The following PHIP variants were observed in gnomAD, a reference collection of about 807,000 sequenced individuals.
The protein encoded by PHIP is PHIP subunit of CUL4-Ring ligase complex.
Under a neutral mutation model 236.8 loss-of-function variants are expected in PHIP, and 54 were observed. The observed-to-expected ratio is 0.23, with a 90% CI of 0.18 to 0.29. PHIP has a LOEUF of 0.29. Among genes scored for constraint, PHIP ranks in the 10% least tolerant of loss-of-function variants. The probability of loss-of-function intolerance (pLI) is 1.00; values close to 1 mark genes in which losing one functional copy is unlikely to be tolerated. For synonymous variants in PHIP, 756 were observed against 718.9 expected, an observed-to-expected ratio of 1.05 and a Z score of -0.83; for missense variants, 1,370 against 2,190.8, an observed-to-expected ratio of 0.63 and a Z score of 7.48.
chr6:78,947,831 T>G, intron 35 of PHIP, 56 bp from the exon 36 acceptor site: 2 of 1,253,568 alleles, frequency 1.6e-6, no homozygotes, highest in Non-Finnish European at 2.3e-6. Context: ...GCATCACTTC[T>G]CAGTGCAGGG....
In PHIP at chr6:79,015,208, T is replaced by C. The variant is rs1401503875; in HGVS notation, c.1398A>G (p.Glu466=). Residue 466 remains glutamate (E), a synonymous_variant, in exon 15 of 40, where the codon GAA becomes GAG. Coordinates refer to ENST00000275034, the MANE Select transcript of PHIP (RefSeq NM_017934.7). ...GQLIHVLMGH[E]DEVFVLEPHP... ...GTGGTTCAAGAACAAATACCTCATC[T>C]TCATGACCCTGAAATATTTTTGAAG... 1.2e-6 allele frequency: 2 copies of C among 1,607,422 alleles called. No homozygotes were observed. The highest frequency in any genetic ancestry group is 1.1e-5 in the South Asian group (1 of 90,770).
At chr6:79,033,596 A>G (rs1771777425) in intron 7 of PHIP, among the ~76,000 whole-genome samples, 1 of 152,138 alleles carries the variant, frequency 6.6e-6, no homozygotes, top group Admixed American at 6.6e-5. Context: ...TCACAGAATT[A>G]AGAGTCAGGG....
intron 4 of PHIP, 151 bp from the exon 5 acceptor site, chr6:79,060,969 G>A (rs1773343159): frequency 1.9e-6 from 1 of 520,546 alleles, no homozygotes; most frequent in Non-Finnish European, 3.3e-6. Context: ...TAAGAATTAA[G>A]AACTGATAGT....
intron 6 of PHIP, among the ~76,000 whole-genome samples, chr6:79,058,103 A>G (rs1773164481): frequency 6.6e-6 from 1 of 152,124 alleles, no homozygotes; most frequent in South Asian, 2.1e-4. Context: ...TTTTCCTGAA[A>G]ATCACAATGG....
intron 31 of PHIP, 41 bp downstream of exon 31, chr6:78,961,649 C>T: frequency 6.3e-7 from 1 of 1,596,212 alleles, no homozygotes; most frequent in Non-Finnish European, 8.6e-7. Flanking sequence ...GGAAAGATCA[C>T]CAGCTTTCCT....
intron 30 of PHIP, among the ~76,000 whole-genome samples, chr6:78,962,012 G>A (rs1479324424): frequency 6.6e-6 from 1 of 151,730 alleles, no homozygotes; most frequent in East Asian, 1.9e-4. Context: ...AAATTCTAGG[G>A]GTATTGTTTT....
chr6:79,024,988 C>A (rs938886709), intron 9 of PHIP, among the ~76,000 whole-genome samples: 1 of 151,904 alleles, frequency 6.6e-6, no homozygotes, highest in Non-Finnish European at 1.5e-5. Flanking sequence ...TTTGATAAAC[C>A]GAAGTATTAA....
At chr6:78,963,370 T>C (rs886495966) in intron 29 of PHIP, 118 bp from the exon 30 acceptor site, 22 of 681,502 alleles carry the variant, frequency 3.2e-5, no homozygotes, top group Non-Finnish European at 4.6e-5. Context: ...GATTTGTAAA[T>C]ATACTCTTTA....
intron 32 of PHIP, 71 bp from the exon 33 acceptor site, chr6:78,955,753 T>C: frequency 3.4e-6 from 2 of 584,424 alleles, no homozygotes; most frequent in South Asian, 2.5e-5. Flanking sequence ...AATTTGTTCG[T>C]AAAACCATAT....
intron 16 of PHIP, among the ~76,000 whole-genome samples, chr6:79,003,404 T>C (rs758314102): frequency 4.6e-5 from 7 of 152,096 alleles, no homozygotes; most frequent in Non-Finnish European, 1.0e-4. Context: ...TTTACATAAT[T>C]TCAGAGTCCC....
At chr6:79,073,797 T>C (rs1355868238) in intron 4 of PHIP, among the ~76,000 whole-genome samples, 2 of 152,170 alleles carry the variant, frequency 1.3e-5, no homozygotes, top group Admixed American at 6.5e-5. Flanking sequence ...TCTCAAATCA[T>C]CTTTGCAACA....
chr6:79,059,589 A>G (rs1039768993), intron 6 of PHIP, among the ~76,000 whole-genome samples: 11 of 86,446 alleles, frequency 1.3e-4, no homozygotes, highest in Admixed American at 9.2e-4. Context: ...TTGAAAGCAA[A>G]ATTATATATA....
In PHIP at chr6:78,998,725, A is replaced by T. The variant is rs149447048; in HGVS notation, c.1880-334T>A. Among the ~76,000 whole-genome samples the T allele has an allele frequency of 2.6e-5, 4 of 152,324 alleles. No homozygotes were observed. In the East Asian group the frequency reaches 7.7e-4, roughly 29 times the overall value. On this transcript the variant is annotated intron_variant, in intron 17 of 39. Coordinates refer to ENST00000275034, the MANE Select transcript of PHIP (RefSeq NM_017934.7). ...AACCAAAATAACTGTTCGAAGTCAC[A>T]TATCTAATAAGTGGCAATAGTAAGG...
At chr6:79,050,069 C>A (rs2127765123) in intron 6 of PHIP, among the ~76,000 whole-genome samples, 1 of 151,652 alleles carries the variant, frequency 6.6e-6, no homozygotes, top group East Asian at 1.9e-4. Flanking sequence ...AAGAGGAAAG[C>A]AACCATGGTT....
chr6:79,073,403 T>C (rs763482011), intron 4 of PHIP, among the ~76,000 whole-genome samples: 9 of 152,310 alleles, frequency 5.9e-5, no homozygotes, highest in South Asian at 2.1e-4. Flanking sequence ...TTCTATTTCA[T>C]TGATACTCTA....
chr6:78,960,299 A>C (rs1766691553), intron 31 of PHIP, among the ~76,000 whole-genome samples: 1 of 152,166 alleles, frequency 6.6e-6, no homozygotes, highest in Non-Finnish European at 1.5e-5. Context: ...TTATATTTCT[A>C]GTTGCAGTCC....
intron 4 of PHIP, among the ~76,000 whole-genome samples, chr6:79,064,218 A>G (rs1180236370): frequency 2.0e-5 from 3 of 152,124 alleles, no homozygotes; most frequent in Non-Finnish European, 2.9e-5. Flanking sequence ...TTAGACCTCC[A>G]CATTCTAGTA....
rs1468588072 is a variant in PHIP at position 78,947,635 on chromosome 6, G to A, written c.4194C>T (p.Ser1398=). The A allele has an allele frequency of 7.0e-7, 1 of 1,428,220 alleles. No homozygotes were observed. Among genetic ancestry groups the A allele is most frequent in the Non-Finnish European group, 9.8e-7 (1 of 1,016,484 alleles). 88.5% of individuals were successfully genotyped at this position (1,428,220 alleles called of 1,614,324 possible). A position where few individuals can be genotyped will look rare whatever the true frequency, so the allele number is the denominator to read the frequency against. The change falls in exon 36 of 40, where the codon AGC becomes AGT. Residue 1398 remains serine, a synonymous_variant. Coordinates refer to ENST00000275034, the MANE Select transcript of PHIP (RefSeq NM_017934.7). ...IFSNSKAYTP[S]KRSRIYSMSL... ...TGTAATTATATACCCTTGATCTTTT[G>A]CTTGGTGTATATGCTTTGGAATTAC...
intron 4 of PHIP, 65 bp from the exon 5 acceptor site, chr6:79,060,883 CA>C (rs1209728854): frequency 1.8e-6 from 2 of 1,124,904 alleles, no homozygotes; most frequent in African/African-American, 3.2e-5. Flanking sequence ...AATCTTTGAG[CA>C]ACAATAAAAA....
Sources: gnomAD v4.1 joint callset for allele counts (sites outside exome capture counted in the v4.1 genomes callset) on GRCh38, gnomAD v4.1.1 for gene constraint, MANE v1.5 for transcripts, NCBI Gene and HGNC (gene_info 2026-07-23, HGNC 2026-07-21) for gene names.